Variants in UBE2R2 observed in about 807,000 individuals in gnomAD.
The protein encoded by UBE2R2 is ubiquitin-conjugating enzyme E2 R2.
A neutral mutation model predicts 27.8 loss-of-function variants in UBE2R2; 1 was observed. The ratio of observed to expected loss-of-function variants is 0.04; its 90% CI spans 0.01 to 0.17. The LOEUF is 0.17. Among genes scored for constraint, UBE2R2 ranks in the 10% least tolerant of loss-of-function variants. The probability of loss-of-function intolerance (pLI) is 1.00; values close to 1 mark genes in which losing one functional copy is unlikely to be tolerated. For missense variants in UBE2R2, 100 were observed against 291.0 expected, an observed-to-expected ratio of 0.34 and a Z score of 4.78; for synonymous variants, 106 against 113.3, an observed-to-expected ratio of 0.94 and a Z score of 0.41.
chr9:33,877,979 A>C (rs545446779), intron 1 of UBE2R2, among the ~76,000 whole-genome samples: 1 of 151,544 alleles, frequency 6.6e-6, no homozygotes, highest in Non-Finnish European at 1.5e-5. Flanking sequence ...CTGGTCTTGA[A>C]CTCATGACCT....
chr9:33,839,476 G>A lies in UBE2R2; in HGVS notation c.177+21542G>A, dbSNP rs529320528. On this transcript the variant is annotated intron_variant, in intron 1 of 4. Coordinates refer to ENST00000263228, the MANE Select transcript of UBE2R2 (RefSeq NM_017811.4). ...TGGTCTCGAACTCCTGACCTCAGGT[G>A]ATCCACCCGCCTCAGCCTTCCAAAG... Among the ~76,000 whole-genome samples the A allele has an allele frequency of 3.3e-5, 5 of 150,444 alleles. No homozygotes were observed. The East Asian group carries it at 7.9e-4, about 24-fold the overall frequency.
chr9:33,821,621 T>A (rs546611139), intron 1 of UBE2R2, among the ~76,000 whole-genome samples: 69 of 146,252 alleles, frequency 4.7e-4, no homozygotes, highest in Middle Eastern at 3.5e-3. Flanking sequence ...CAAAAAAAAA[T>A]TTTTTTTTTT....
At chr9:33,900,823 C>T (rs1384022437) in intron 3 of UBE2R2, among the ~76,000 whole-genome samples, 1 of 152,188 alleles carries the variant, frequency 6.6e-6, no homozygotes, top group Non-Finnish European at 1.5e-5. Context: ...CCCACTTGGC[C>T]TCCCAAAGCG....
Position 33,917,426 on chromosome 9 carries a change from T to A in UBE2R2, c.*189T>A, listed in dbSNP as rs370898349. The A allele has an allele frequency of 2.1e-3, 1,585 of 754,980 alleles. 30 individuals are homozygous for A. The South Asian group carries it at 0.029, about 14-fold the overall frequency. The allele number at this position is 754,980 out of a possible 1,614,324, so 46.8% of individuals were successfully genotyped here. A position where few individuals can be genotyped will look rare whatever the true frequency, so the allele number is the denominator to read the frequency against. On this transcript the variant is annotated 3_prime_UTR_variant, in exon 5 of 5. Coordinates refer to ENST00000263228, the MANE Select transcript of UBE2R2 (RefSeq NM_017811.4). Reference sequence around the variant, plus strand: ...TTATGGACCTTTAATGGAGAGAGAGTAACCCTCCACAGAATGTCTGAATTC... The same window carrying A: ...TTATGGACCTTTAATGGAGAGAGAGAAACCCTCCACAGAATGTCTGAATTC...
At position 33,830,792 on chromosome 9, in the gene UBE2R2, T is replaced by C. The variant is rs1224915877; in HGVS notation, c.177+12858T>C. On this transcript the variant is annotated intron_variant, in intron 1 of 4. Coordinates refer to ENST00000263228, the MANE Select transcript of UBE2R2 (RefSeq NM_017811.4). ...AAAGGAAAAAAAAAAAAAAGAGATA[T>C]CTGCTTTGCTTATTTGTTGCATGGG... Among the ~76,000 whole-genome samples the C allele has an allele frequency of 2.0e-5, 3 of 151,284 alleles. No homozygotes were observed. In the South Asian group the frequency reaches 6.2e-4, roughly 31 times the overall value.
chr9:33,831,439 CAG>C (rs1223187947), intron 1 of UBE2R2, among the ~76,000 whole-genome samples: 4 of 152,080 alleles, frequency 2.6e-5, no homozygotes, highest in South Asian at 2.1e-4. Context: ...TTGTTTGAGA[CAG>C]AGTCTTGCTC....
chr9:33,823,399 G>T (rs908194940), intron 1 of UBE2R2, among the ~76,000 whole-genome samples: 1 of 151,294 alleles, frequency 6.6e-6, no homozygotes, highest in East Asian at 2.0e-4. Flanking sequence ...TTTCCTAGAT[G>T]GAGTCTTGCT....
chr9:33,906,033 A>G (rs1259810172), intron 3 of UBE2R2, among the ~76,000 whole-genome samples: 1 of 152,248 alleles, frequency 6.6e-6, no homozygotes, highest in Non-Finnish European at 1.5e-5. Flanking sequence ...GCACATGTGC[A>G]TACATGCATG....
chr9:33,875,727 G>C lies in UBE2R2; in HGVS notation c.178-11154G>C, dbSNP rs576190662. 7.9e-5 allele frequency among the ~76,000 whole-genome samples: 12 copies of C among 152,224 alleles called. No individual in the cohort carries two copies. In the South Asian group the frequency reaches 2.5e-3, roughly 32 times the overall value. ...TTAAATGAGTTGACCTAAGGTCAGA[G>C]GCCTAGCAAAGACAATGCTTAGAAT... On this transcript the variant is annotated intron_variant, in intron 1 of 4. Coordinates refer to ENST00000263228, the MANE Select transcript of UBE2R2 (RefSeq NM_017811.4).
intron 2 of UBE2R2, among the ~76,000 whole-genome samples, chr9:33,896,839 A>G (rs1285060971): frequency 7.4e-6 from 1 of 134,704 alleles, no homozygotes; most frequent in East Asian, 2.3e-4. Context: ...AAAGAGTGTT[A>G]GATTTTGTCA....
intron 1 of UBE2R2, among the ~76,000 whole-genome samples, chr9:33,841,193 A>C (rs945538320): frequency 1.3e-5 from 2 of 151,630 alleles, no homozygotes; most frequent in Non-Finnish European, 2.9e-5. Context: ...AGCTATTCTG[A>C]TTCAGCCTCC....
In UBE2R2 at chr9:33,818,553, G is replaced by A. The variant is rs78141346; in HGVS notation, c.177+619G>A. 201 of 108,884 alleles carry A rather than the reference G, an allele frequency of 1.8e-3. 6 individuals are homozygous for A. Among genetic ancestry groups the A allele is most frequent in the South Asian group, 9.8e-3 (21 of 2,142 alleles). The allele number at this position is 108,884 out of a possible 1,614,324, so 6.7% of individuals were successfully genotyped here. On this transcript the variant is annotated intron_variant, in intron 1 of 4. Transcript: ENST00000263228. ...GTAAAAAAAAAAAAAAAAAAAAAAA[G>A]GGTGCCCGCGTCGTCTTGTCATTAT...
intron 1 of UBE2R2, among the ~76,000 whole-genome samples, chr9:33,880,920 C>T (rs1821719694): frequency 1.3e-5 from 2 of 152,178 alleles, no homozygotes; most frequent in South Asian, 2.1e-4. Flanking sequence ...CCCACTCCTC[C>T]GCCCTCTTGT....
At chr9:33,845,974 CA>C (rs1474739671) in intron 1 of UBE2R2, among the ~76,000 whole-genome samples, 2 of 151,948 alleles carry the variant, frequency 1.3e-5, no homozygotes, top group Non-Finnish European at 2.9e-5. Flanking sequence ...ACTGAAAATA[CA>C]AAAAATTAGG....
Position 33,886,869 on chromosome 9 carries a change from T to C in UBE2R2, c.178-12T>C. 1 of 1,573,332 alleles carries C rather than the reference T, an allele frequency of 6.4e-7. No homozygotes were observed. Among genetic ancestry groups the C allele is most frequent in the East Asian group, 2.3e-5 (1 of 44,164 alleles). On this transcript the variant is annotated splice_polypyrimidine_tract_variant and intron_variant, in intron 1 of 4. Coordinates refer to ENST00000263228, the MANE Select transcript of UBE2R2 (RefSeq NM_017811.4). Reference sequence around the variant, plus strand: ...GTCTCATTTATTAGCATTTCATTTTTTTTCTTTTCAGGCGCATATTAAATT... The same window carrying C: ...GTCTCATTTATTAGCATTTCATTTTCTTTCTTTTCAGGCGCATATTAAATT...
chr9:33,818,938 G>T (rs907597256), intron 1 of UBE2R2: 3 of 152,060 alleles, frequency 2.0e-5, no homozygotes, highest in African/African-American at 7.3e-5. Context: ...TATCATTCCA[G>T]AATCTAATGA....
intron 3 of UBE2R2, among the ~76,000 whole-genome samples, chr9:33,910,245 A>G (rs888908766): frequency 6.6e-6 from 1 of 152,074 alleles, no homozygotes; most frequent in African/African-American, 2.4e-5. Context: ...CCCGTGCCCA[A>G]GCAATTCTCT....
chr9:33,828,195 G>T (rs1820357787), intron 1 of UBE2R2, among the ~76,000 whole-genome samples: 1 of 150,142 alleles, frequency 6.7e-6, no homozygotes, highest in South Asian at 2.1e-4. Context: ...CCAGCTACTC[G>T]GGAGGCTGAG....
chr9:33,871,011 C>G (rs1281543911), intron 1 of UBE2R2, among the ~76,000 whole-genome samples: 1 of 152,154 alleles, frequency 6.6e-6, no homozygotes, highest in African/African-American at 2.4e-5. Flanking sequence ...GTAAGCCTTT[C>G]TGCATTATTT....
Sources: gnomAD v4.1 joint callset for allele counts (sites outside exome capture counted in the v4.1 genomes callset) on GRCh38, gnomAD v4.1.1 for gene constraint, MANE v1.5 for transcripts, NCBI Gene and HGNC (gene_info 2026-07-23, HGNC 2026-07-21) for gene names.